Variants in CD163L1 observed in about 807,000 individuals in gnomAD.
CD163L1 encodes the protein scavenger receptor cysteine-rich type 1 protein M160.
A neutral mutation model predicts 165.4 loss-of-function variants in CD163L1; 124 were observed. That is an observed-to-expected ratio of 0.75 (90% CI 0.65 to 0.87). The LOEUF is 0.87. Ranked by LOEUF, CD163L1 falls within the 40% of genes least tolerant of loss-of-function variation. CD163L1 has a pLI of 0.00. For synonymous variants in CD163L1, 585 were observed against 662.2 expected (o/e 0.88, Z 1.79); for missense variants, 1,525 against 1,799.9 (o/e 0.85, Z 2.76).
In CD163L1 at chr12:7,421,486, T is replaced by TATAC. The variant is rs1555202377; in HGVS notation, c.766+10929_766+10930insGTAT. 3.8e-5 allele frequency among the ~76,000 whole-genome samples: 4 copies of TATAC among 105,036 alleles called. 1 individual carries two copies. The highest frequency in any genetic ancestry group is 2.2e-4 in the African/African-American group (4 of 17,924). 68.9% of individuals were successfully genotyped at this position (105,036 alleles called of 152,430 possible). ...ATACATATATATACATATATGTACA[T>TATAC]ATATACATATATGTACATATACATA... is the stretch of plus-strand genomic sequence containing the variant. On this transcript the variant is annotated intron_variant, in intron 4 of 19. Transcript: ENST00000313599.
intron 4 of CD163L1, among the ~76,000 whole-genome samples, chr12:7,407,085 G>A (rs1441329065): frequency 6.6e-6 from 1 of 152,160 alleles, no homozygotes; most frequent in African/African-American, 2.4e-5. Flanking sequence ...GGGGAATAAA[G>A]CACAACAGAG....
chr12:7,421,097 GTATATATACATTTGGAAGAAAATGTA>G (rs1565809061), intron 4 of CD163L1, among the ~76,000 whole-genome samples: 3,175 of 99,420 alleles, frequency 0.032, 72 homozygotes, highest in Admixed American at 0.099. Context: ...GTATATATAT[GTATATATACATTTGGAAGAAAATGTA>G]TATATACGTA....
In CD163L1 at chr12:7,374,342, C is replaced by A; in HGVS notation, c.3409+100G>T. The A allele has an allele frequency of 7.8e-7, 1 of 1,276,798 alleles. No homozygotes were observed. Among genetic ancestry groups the A allele is most frequent in the Non-Finnish European group, 1.1e-6 (1 of 926,766 alleles). 79.1% of individuals were successfully genotyped at this position (1,276,798 alleles called of 1,614,324 possible). A position where few individuals can be genotyped will look rare whatever the true frequency, so the allele number is the denominator to read the frequency against. ...ACCAAGTGGATTTTTTGTTTGTATT[C>A]CTAGGCCATACACTTTTCACTACAC... On this transcript the variant is annotated intron_variant, in intron 13 of 19. Coordinates refer to ENST00000313599, the MANE Select transcript of CD163L1 (RefSeq NM_174941.6). This position sits in a 1 kb window ranked among gnomAD's most constrained non-coding sequence, Gnocchi z 5.4.
At chr12:7,420,217 CAA>C (rs1286799579) in intron 4 of CD163L1, among the ~76,000 whole-genome samples, 1 of 151,952 alleles carries the variant, frequency 6.6e-6, no homozygotes, top group Non-Finnish European at 1.5e-5. Flanking sequence ...CAAGATGGAT[CAA>C]AGACTTAAAT....
At chr12:7,338,894 C>A in the CD163L1 span, among the ~76,000 whole-genome samples, 1 of 152,120 alleles carries the variant, frequency 6.6e-6, no homozygotes, top group Non-Finnish European at 1.5e-5. Flanking sequence ...GAACCAGGAG[C>A]CAGTTTATTC....
At chr12:7,380,187 G>T (rs1475937238) in intron 8 of CD163L1, among the ~76,000 whole-genome samples, 1 of 151,902 alleles carries the variant, frequency 6.6e-6, no homozygotes, top group Non-Finnish European at 1.5e-5. Flanking sequence ...ACTTGCACAC[G>T]CATGTTTATA....
Position 7,368,147 on chromosome 12 carries a change from G to A in CD163L1, c.4123C>T (p.Leu1375=). The part of the protein sequence containing the change: ...SSIFGLLLLV[L]FILFLTWCRV... ...CACCACGTGAGAAATAGAATAAACA[G>A]AACCAGGAGAAGGAGCCCAAAGATA... The change falls in exon 17 of 20, where the codon CTG becomes TTG. Residue 1375 remains leucine, a synonymous_variant. Coordinates refer to ENST00000313599, the MANE Select transcript of CD163L1 (RefSeq NM_174941.6). The surrounding 1 kb of genome is among the most constrained non-coding windows in gnomAD (Gnocchi z 4.3). 1 of 1,612,716 alleles carries A rather than the reference G, an allele frequency of 6.2e-7. No individual in the cohort carries two copies.
the CD163L1 span, chr12:7,320,762 C>T: frequency 6.2e-7 from 1 of 1,613,708 alleles, no homozygotes; most frequent in Non-Finnish European, 8.5e-7. Flanking sequence ...CTGTGCAGTC[C>T]TCCCACTGTG....
intron 18 of CD163L1, among the ~76,000 whole-genome samples, chr12:7,366,493 C>A (rs929658908): frequency 2.6e-5 from 4 of 152,030 alleles, no homozygotes; most frequent in Admixed American, 1.3e-4. Context: ...ACTAAATTAT[C>A]ACATGTACCT....
chr12:7,385,186 G>T lies in CD163L1; in HGVS notation c.2051-5888C>A, dbSNP rs145139277. On this transcript the variant is annotated intron_variant, in intron 8 of 19. Coordinates refer to ENST00000313599, the MANE Select transcript of CD163L1 (RefSeq NM_174941.6). ...TATTCCATGTAAATGAAAACCAACA[G>T]CAAGTAGAAAAGTAGAAATAGCTAT... Among the ~76,000 whole-genome samples the T allele has an allele frequency of 5.0e-4, 75 of 150,044 alleles. 1 individual carries two copies. In the East Asian group the frequency reaches 0.014, roughly 27 times the overall value.
In CD163L1 at chr12:7,393,988, AT is replaced by A. The variant is rs1471762947; in HGVS notation, c.2050+2106del. The stretch of plus-strand genomic sequence containing the variant: ...AAGAATCAATATCGTGAAAATGGCC[AT>A]ACTGCCCAAGGTAATTTATAGATTC... On this transcript the variant is annotated intron_variant, in intron 8 of 19. Transcript: ENST00000313599. Among the ~76,000 whole-genome samples the A allele has an allele frequency of 5.3e-5, 8 of 152,284 alleles. No homozygotes were observed. The East Asian group carries it at 1.3e-3, about 26-fold the overall frequency.
the CD163L1 span, among the ~76,000 whole-genome samples, chr12:7,339,988 G>C: frequency 2.0e-5 from 3 of 152,122 alleles, no homozygotes; most frequent in African/African-American, 4.8e-5. Context: ...TTACGACCAT[G>C]TGTTAATCAT....
the CD163L1 span, among the ~76,000 whole-genome samples, chr12:7,335,594 A>C: frequency 6.6e-6 from 1 of 152,210 alleles, no homozygotes; most frequent in Non-Finnish European, 1.5e-5. Flanking sequence ...GGACATAGGC[A>C]TGGGCAAGGA....
At position 7,398,157 on chromosome 12, in the gene CD163L1, C is replaced by T. The variant is rs1591924793; in HGVS notation, c.1729+107G>A. ...TCTAATTTAAAGACAAGAGTCATGG[C>T]CCCTCAATCAATTCCCACATGTAAG... is the stretch of plus-strand genomic sequence containing the variant. On this transcript the variant is annotated intron_variant, in intron 7 of 19. Coordinates refer to ENST00000313599, the MANE Select transcript of CD163L1 (RefSeq NM_174941.6). The surrounding 1 kb of genome is among the most constrained non-coding windows in gnomAD (Gnocchi z 4.5). 1 of 910,812 alleles carries T rather than the reference C, an allele frequency of 1.1e-6. No homozygotes were observed. The highest frequency in any genetic ancestry group is 1.7e-5 in the African/African-American group (1 of 59,636). 56.4% of individuals were successfully genotyped at this position (910,812 alleles called of 1,614,324 possible).
chr12:7,426,334 T>G (rs977466622), intron 4 of CD163L1, among the ~76,000 whole-genome samples: 2 of 152,032 alleles, frequency 1.3e-5, no homozygotes, highest in Non-Finnish European at 2.9e-5. Flanking sequence ...GACGAATACC[T>G]AATGCATGTG....
Position 7,398,098 on chromosome 12 carries a change from T to A in CD163L1, c.1729+166A>T, listed in dbSNP as rs1435327516. Among the ~76,000 whole-genome samples, 2 of 152,196 alleles carry A rather than the reference T, an allele frequency of 1.3e-5. No homozygotes were observed. Among genetic ancestry groups the A allele is most frequent in the Non-Finnish European group, 2.9e-5 (2 of 68,044 alleles). ...CTACTAATTTCTTACTTTACCTGTA[T>A]AAGTGGAAGAGTTCCAGGTGAAGTG... On this transcript the variant is annotated intron_variant, in intron 7 of 19. Transcript: ENST00000313599. This position sits in a 1 kb window ranked among gnomAD's most constrained non-coding sequence, Gnocchi z 4.5.
the CD163L1 span, among the ~76,000 whole-genome samples, chr12:7,333,553 T>G: frequency 3.3e-5 from 5 of 152,016 alleles, no homozygotes; most frequent in Non-Finnish European, 5.9e-5. Flanking sequence ...GATCTAAAAT[T>G]GACACCCTAA....
downstream of CD163L1, among the ~76,000 whole-genome samples, chr12:7,352,618 G>A (rs866565472): frequency 9.2e-5 from 14 of 152,088 alleles, no homozygotes; most frequent in African/African-American, 2.4e-4. Flanking sequence ...CAGTGTGTTC[G>A]GGTGCAATAT....
At position 7,398,680 on chromosome 12, in the gene CD163L1, C is replaced by T; in HGVS notation, c.1409-96G>A. 1 of 1,043,990 alleles carries T rather than the reference C, an allele frequency of 9.6e-7. No individual in the cohort carries two copies. The highest frequency in any genetic ancestry group is 2.3e-5 in the South Asian group (1 of 42,662). 64.7% of individuals were successfully genotyped at this position (1,043,990 alleles called of 1,614,324 possible). On this transcript the variant is annotated intron_variant, in intron 6 of 19. Transcript: ENST00000313599. This position sits in a 1 kb window ranked among gnomAD's most constrained non-coding sequence, Gnocchi z 4.5. ...CTAAATTCACGACTATAAGGCTTTG[C>T]CTAACAGGTGATATATTAGGCACAC...
Sources: allele counts gnomAD v4.1 joint callset (sites outside exome capture counted in the v4.1 genomes callset), GRCh38; gene constraint gnomAD v4.1.1; non-coding constraint Gnocchi (gnomAD v3.1); transcripts MANE v1.5; gene names NCBI Gene and HGNC (gene_info 2026-07-23, HGNC 2026-07-21).